The following SNTG1 variants were observed in gnomAD, a reference collection of about 807,000 sequenced individuals.
The protein encoded by SNTG1 is syntrophin gamma 1.
A neutral mutation model predicts 74.7 loss-of-function variants in SNTG1; 39 were observed. The ratio of observed to expected loss-of-function variants is 0.52; its 90% confidence interval spans 0.40 to 0.68. The LOEUF (loss-of-function observed/expected upper bound fraction) is 0.68. Ranked by LOEUF, SNTG1 falls within the 30% of genes least tolerant of loss-of-function variation. SNTG1 has a pLI of 0.00. For synonymous variants in SNTG1, 254 were observed against 217.1 expected (o/e 1.17, Z -1.49); for missense variants, 685 against 609.5 (o/e 1.12, Z -1.30).
chr8:50,287,778 T>C (rs1274052165), intron 2 of SNTG1, among the ~76,000 whole-genome samples: 1 of 152,074 alleles, frequency 6.6e-6, no homozygotes, highest in East Asian at 1.9e-4. Context: ...CCCTCATAAC[T>C]CATCTATCTC....
chr8:50,122,438 G>A (rs2081027553), intron 1 of SNTG1, among the ~76,000 whole-genome samples: 1 of 141,172 alleles, frequency 7.1e-6, no homozygotes, highest in South Asian at 2.7e-4. Flanking sequence ...AGGGCAGGCT[G>A]AGCACTGCAC....
intron 1 of SNTG1, among the ~76,000 whole-genome samples, chr8:50,022,920 C>T (rs576068412): frequency 1.3e-5 from 2 of 152,064 alleles, no homozygotes; most frequent in Admixed American, 1.3e-4. Context: ...TCAAAATTAT[C>T]CTAATAGGAG....
intron 12 of SNTG1, among the ~76,000 whole-genome samples, chr8:50,557,221 CAAA>C (rs570613406): frequency 1.4e-5 from 1 of 71,640 alleles, no homozygotes. Context: ...GGGAGAAAAC[CAAA>C]AAAAAAAAAA....
chr8:50,345,904 T>A (rs948883219), intron 2 of SNTG1, among the ~76,000 whole-genome samples: 2 of 152,232 alleles, frequency 1.3e-5, no homozygotes, highest in African/African-American at 4.8e-5. Context: ...ATTTTAACCA[T>A]CCTTGCTTTA....
intron 12 of SNTG1, among the ~76,000 whole-genome samples, chr8:50,560,705 T>C (rs1362584256): frequency 6.6e-6 from 1 of 151,986 alleles, no homozygotes; most frequent in Non-Finnish European, 1.5e-5. Flanking sequence ...CAACACACAC[T>C]GTGGCTGGTT....
At chr8:50,093,379 A>AGAT (rs796106014) in intron 1 of SNTG1, among the ~76,000 whole-genome samples, 3 of 152,246 alleles carry the variant, frequency 2.0e-5, no homozygotes, top group African/African-American at 7.2e-5. Flanking sequence ...AGACATCATC[A>AGAT]TTACCTAATA....
At chr8:50,393,345 G>A (rs2131305674) in intron 2 of SNTG1, among the ~76,000 whole-genome samples, 1 of 152,194 alleles carries the variant, frequency 6.6e-6, no homozygotes, top group South Asian at 2.1e-4. Flanking sequence ...GCCAAAGAAA[G>A]ATATAATAGT....
At chr8:50,537,571 T>C (rs752515654) in intron 11 of SNTG1, among the ~76,000 whole-genome samples, 7 of 152,146 alleles carry the variant, frequency 4.6e-5, no homozygotes, top group Non-Finnish European at 8.8e-5. Context: ...TTAAAAATGA[T>C]TAATTTGGGA....
intron 8 of SNTG1, among the ~76,000 whole-genome samples, chr8:50,454,379 C>G (rs1277133209): frequency 6.6e-6 from 1 of 151,946 alleles, no homozygotes; most frequent in Non-Finnish European, 1.5e-5. Flanking sequence ...CACCTGTAAC[C>G]CCAGCTAATC....
intron 2 of SNTG1, among the ~76,000 whole-genome samples, chr8:50,261,950 G>T (rs1356895412): frequency 1.3e-5 from 2 of 152,080 alleles, no homozygotes; most frequent in African/African-American, 2.4e-5. Context: ...AATGTCAATG[G>T]TCTCTATGCA....
chr8:50,070,321 T>A (rs987271826), intron 1 of SNTG1, among the ~76,000 whole-genome samples: 5 of 152,154 alleles, frequency 3.3e-5, no homozygotes, highest in South Asian at 2.1e-4. Context: ...TCCCATAATT[T>A]AAAAAAATAG....
intron 17 of SNTG1, among the ~76,000 whole-genome samples, chr8:50,751,111 CAAT>C (rs1339830620): frequency 1.3e-5 from 2 of 151,874 alleles, no homozygotes; most frequent in African/African-American, 2.4e-5. Flanking sequence ...ATATTTGAAA[CAAT>C]AATTTGTTAA....
At chr8:50,768,187 A>G (rs1012964268) in intron 18 of SNTG1, among the ~76,000 whole-genome samples, 3 of 152,012 alleles carry the variant, frequency 2.0e-5, no homozygotes, top group African/African-American at 7.2e-5. Flanking sequence ...AGAAATTTTC[A>G]AATATATTAA....
intron 1 of SNTG1, among the ~76,000 whole-genome samples, chr8:50,012,720 C>T (rs1815928481): frequency 6.6e-6 from 1 of 151,924 alleles, no homozygotes; most frequent in South Asian, 2.1e-4. Flanking sequence ...GAGACAGAGA[C>T]AAAAGGGGAG....
intron 4 of SNTG1, among the ~76,000 whole-genome samples, chr8:50,427,203 C>A (rs966125794): frequency 1.3e-5 from 2 of 151,852 alleles, no homozygotes; most frequent in Non-Finnish European, 2.9e-5. Context: ...GGTAATTCAC[C>A]CCTAAATTAC....
At chr8:50,059,403 A>T (rs930236356) in intron 1 of SNTG1, among the ~76,000 whole-genome samples, 2 of 152,074 alleles carry the variant, frequency 1.3e-5, no homozygotes, top group Middle Eastern at 3.2e-3. Context: ...GGCTTTTAGT[A>T]TATCTACAGA....
intron 1 of SNTG1, among the ~76,000 whole-genome samples, chr8:50,085,339 C>T (rs1822782838): frequency 6.6e-6 from 1 of 152,172 alleles, no homozygotes; most frequent in African/African-American, 2.4e-5. Context: ...AAACTGACTT[C>T]CTTCTTTCTT....
chr8:50,497,506 G>A (rs1478378582), intron 8 of SNTG1, among the ~76,000 whole-genome samples: 1 of 151,700 alleles, frequency 6.6e-6, no homozygotes, highest in Admixed American at 6.6e-5. Flanking sequence ...AATATATAGA[G>A]GTTATAATAT....
At chr8:50,611,962 T>C (rs1291261059) in intron 13 of SNTG1, among the ~76,000 whole-genome samples, 1 of 152,104 alleles carries the variant, frequency 6.6e-6, no homozygotes, top group African/African-American at 2.4e-5. Context: ...CTCCCCATGT[T>C]GTCCAGGCTG....
Sources: gnomAD v4.1 joint callset for allele counts (sites outside exome capture counted in the v4.1 genomes callset) on GRCh38, gnomAD v4.1.1 for gene constraint, MANE v1.5 for transcripts, NCBI Gene and HGNC (gene_info 2026-07-23, HGNC 2026-07-21) for gene names.